EXT1: variants seen among roughly 807,000 people sequenced by gnomAD.
The protein encoded by EXT1 is exostosin glycosyltransferase 1, also known as exostosin-1.
In EXT1, 20 loss-of-function variants were observed where a neutral mutation model predicts 82.5. The ratio of observed to expected loss-of-function variants is 0.24; its 90% CI spans 0.17 to 0.35. EXT1 has a LOEUF of 0.35. Among genes scored for constraint, EXT1 ranks in the 10% least tolerant of loss-of-function variants. EXT1 has a pLI of 1.00. For synonymous variants in EXT1, 348 were observed against 350.8 expected (o/e 0.99, Z 0.09); for missense variants, 757 against 936.5 (o/e 0.81, Z 2.50).
rs540612666 is a variant in EXT1 at position 117,923,509 on chromosome 8, AGATC to A, written c.963-86312_963-86309del. On this transcript the variant is annotated intron_variant, in intron 1 of 10. Transcript: ENST00000378204. ...AAGGCGGGCAGATCACGAGGTCAGGAGATCGAGACCATCCTGGCTAACACGGTGA... is the reference window on the plus strand; with the variant it reads ...AAGGCGGGCAGATCACGAGGTCAGGAGAGACCATCCTGGCTAACACGGTGA... 2.5e-4 allele frequency among the ~76,000 whole-genome samples: 38 copies of A among 151,906 alleles called. No individual in the cohort carries two copies. In the East Asian group the frequency reaches 7.0e-3, roughly 28 times the overall value.
chr8:118,004,076 T>G (rs1024520957), intron 1 of EXT1, among the ~76,000 whole-genome samples: 1 of 152,198 alleles, frequency 6.6e-6, no homozygotes, highest in Admixed American at 6.5e-5. Context: ...ATAGAAATAG[T>G]TGGACACACA....
intron 1 of EXT1, among the ~76,000 whole-genome samples, chr8:118,033,158 G>C (rs1816363031): frequency 6.6e-6 from 1 of 152,192 alleles, no homozygotes; most frequent in Non-Finnish European, 1.5e-5. Context: ...CTGTATGGCT[G>C]TTGTCACATT....
intron 1 of EXT1, among the ~76,000 whole-genome samples, chr8:117,866,454 GC>G (rs1173638741): frequency 6.6e-6 from 1 of 152,100 alleles, no homozygotes. Flanking sequence ...TGCCCAGCCA[GC>G]CGACTGAACA....
intron 1 of EXT1, among the ~76,000 whole-genome samples, chr8:117,988,963 A>T (rs924427220): frequency 2.7e-5 from 4 of 149,678 alleles, no homozygotes; most frequent in Non-Finnish European, 5.9e-5. Flanking sequence ...GCAGTGGCTG[A>T]TGCCTGTCAT....
At chr8:117,864,432 A>C (rs1466672198) in intron 1 of EXT1, among the ~76,000 whole-genome samples, 1 of 152,028 alleles carries the variant, frequency 6.6e-6, no homozygotes, top group Non-Finnish European at 1.5e-5. Flanking sequence ...ATACACTAAC[A>C]CTAATGATAG....
At chr8:117,978,346 A>G (rs541245327) in intron 1 of EXT1, among the ~76,000 whole-genome samples, 1 of 152,246 alleles carries the variant, frequency 6.6e-6, no homozygotes, top group Non-Finnish European at 1.5e-5. Context: ...CCAAGTGGTT[A>G]CAAAATAGAA....
At chr8:118,095,502 G>C (rs962689371) in intron 1 of EXT1, among the ~76,000 whole-genome samples, 7 of 152,214 alleles carry the variant, frequency 4.6e-5, no homozygotes, top group African/African-American at 1.7e-4. Context: ...ATCATAAAAA[G>C]TGTTGCTTAA....
chr8:117,884,213 C>A (rs943996929), intron 1 of EXT1, among the ~76,000 whole-genome samples: 3 of 152,218 alleles, frequency 2.0e-5, no homozygotes, highest in African/African-American at 4.8e-5. Context: ...CCTTTCTCCA[C>A]GCCATTCCTT....
chr8:118,006,899 G>A lies in EXT1; in HGVS notation c.962+103186C>T, dbSNP rs17431284. On this transcript the variant is annotated intron_variant, in intron 1 of 10. Transcript: ENST00000378204. ...ACCGTGGCCATGTAGAAATGCAAGC[G>A]TAGGGCTGCCAAATCTTCCATTTTC... Among the ~76,000 whole-genome samples the A allele has an allele frequency of 3.0e-3, 449 of 152,194 alleles. 1 individual carries two copies. Among genetic ancestry groups the A allele is most frequent in the Non-Finnish European group, 5.3e-3 (363 of 68,008 alleles).
intron 1 of EXT1, among the ~76,000 whole-genome samples, chr8:117,993,993 T>C (rs893543461): frequency 1.3e-4 from 20 of 152,166 alleles, no homozygotes; most frequent in Admixed American, 2.6e-4. Context: ...AAGATACTGC[T>C]AAAAAGTTAC....
intron 1 of EXT1, among the ~76,000 whole-genome samples, chr8:118,032,243 A>G (rs1816338629): frequency 1.3e-5 from 2 of 151,612 alleles, no homozygotes; most frequent in African/African-American, 4.8e-5. Flanking sequence ...GAGCAGAAAC[A>G]GCAGGAGCAA....
chr8:118,111,364 A>G lies in EXT1; in HGVS notation c.-318T>C. Reference sequence around the variant, plus strand: ...GCATGCAACAAGACGGAGGAAAAGAAAGAGAGAGGGGAGAAAAAAAAAGCT... The same window carrying G: ...GCATGCAACAAGACGGAGGAAAAGAGAGAGAGAGGGGAGAAAAAAAAAGCT... On this transcript the variant is annotated 5_prime_UTR_variant, in exon 1 of 11. Transcript: ENST00000378204. 1 of 568,142 alleles carries G rather than the reference A, an allele frequency of 1.8e-6. No homozygotes were observed. Among genetic ancestry groups the G allele is most frequent in the Non-Finnish European group, 3.1e-6 (1 of 321,452 alleles). The allele number at this position is 568,142 out of a possible 1,614,324, so 35.2% of individuals were successfully genotyped here.
intron 1 of EXT1, among the ~76,000 whole-genome samples, chr8:118,087,095 G>A (rs1157804392): frequency 1.3e-5 from 2 of 152,180 alleles, no homozygotes; most frequent in Admixed American, 6.5e-5. Flanking sequence ...CAAGGCTCGT[G>A]CCCAGCGCTG....
chr8:118,022,499 A>G (rs1190446602), intron 1 of EXT1, among the ~76,000 whole-genome samples: 1 of 151,214 alleles, frequency 6.6e-6, no homozygotes, highest in Non-Finnish European at 1.5e-5. Context: ...CACCACGCCC[A>G]GCTAATTTTT....
intron 1 of EXT1, among the ~76,000 whole-genome samples, chr8:117,949,462 G>A (rs1814449448): frequency 6.7e-6 from 1 of 149,982 alleles, no homozygotes; most frequent in Non-Finnish European, 1.5e-5. Context: ...GTTTGTGTGT[G>A]TATATATACA....
rs1563640932 is a variant in EXT1, at chr8:118,051,530, G to C, written c.962+58555C>G. ...ACAAAAGTTGAAGAAGAATTGATGG[G>C]CCAGGGAAAACACAAAGTAAAGAGA... On this transcript the variant is annotated intron_variant, in intron 1 of 10. Transcript: ENST00000378204. Among the ~76,000 whole-genome samples, 4 of 152,088 alleles carry C rather than the reference G, an allele frequency of 2.6e-5. No individual in the cohort carries two copies. The South Asian group carries it at 8.3e-4, about 32-fold the overall frequency.
At chr8:118,064,548 T>C (rs1816942292) in intron 1 of EXT1, among the ~76,000 whole-genome samples, 1 of 152,242 alleles carries the variant, frequency 6.6e-6, no homozygotes, top group African/African-American at 2.4e-5. Context: ...ATGGTATATA[T>C]GTGCCACATT....
At chr8:117,992,551 T>G (rs1815457498) in intron 1 of EXT1, among the ~76,000 whole-genome samples, 1 of 150,166 alleles carries the variant, frequency 6.7e-6, no homozygotes, top group African/African-American at 2.4e-5. Flanking sequence ...GACCCATGAA[T>G]CTTCTTAACA....
At chr8:117,989,206 T>C (rs1481713108) in intron 1 of EXT1, among the ~76,000 whole-genome samples, 1 of 151,978 alleles carries the variant, frequency 6.6e-6, no homozygotes, top group Non-Finnish European at 1.5e-5. Context: ...GCAAGTCCCA[T>C]TGGCTCTAGC....
Sources: allele counts gnomAD v4.1 joint callset (sites outside exome capture counted in the v4.1 genomes callset), GRCh38; gene constraint gnomAD v4.1.1; transcripts MANE v1.5; gene names NCBI Gene and HGNC (gene_info 2026-07-23, HGNC 2026-07-21).